SEL1L2: variants seen among roughly 807,000 people sequenced by gnomAD.
The protein encoded by SEL1L2 is protein sel-1 homolog 2.
In SEL1L2, 89 loss-of-function variants were observed where a neutral mutation model predicts 98.8. The ratio of observed to expected loss-of-function variants is 0.90; its 90% CI spans 0.76 to 1.07. SEL1L2 has a LOEUF of 1.07. Among genes scored for constraint, SEL1L2 ranks in the 50% least tolerant of loss-of-function variants. The pLI is 0.00. For synonymous variants in SEL1L2, 262 were observed against 278.5 expected, an observed-to-expected ratio of 0.94 and a Z score of 0.59; for missense variants, 788 against 812.0, an observed-to-expected ratio of 0.97 and a Z score of 0.36.
intron 1 of SEL1L2, among the ~76,000 whole-genome samples, chr20:13,961,998 AAAG>A (rs1345539500): frequency 3.9e-5 from 6 of 152,236 alleles, no homozygotes; most frequent in Non-Finnish European, 7.3e-5. Context: ...TGCCTGAATT[AAAG>A]AACTATACCT....
At chr20:13,963,021 A>T (rs1600944019) in intron 1 of SEL1L2, among the ~76,000 whole-genome samples, 1 of 150,756 alleles carries the variant, frequency 6.6e-6, no homozygotes, top group Non-Finnish European at 1.5e-5. Context: ...AGCCAAGATC[A>T]CGCCACTGCA....
intron 12 of SEL1L2, among the ~76,000 whole-genome samples, chr20:13,875,657 G>C (rs2046396082): frequency 6.6e-6 from 1 of 152,170 alleles, no homozygotes; most frequent in Non-Finnish European, 1.5e-5. Context: ...GGATGTCTTT[G>C]TCTTGAACTT....
rs966077109 is a variant in SEL1L2 at position 13,870,083 on chromosome 20, A to G, written c.1167+58T>C. 1.0e-5 allele frequency: 13 copies of G among 1,258,844 alleles called. No homozygotes were observed. The African/African-American group carries it at 1.2e-4, about 12-fold the overall frequency. The allele number at this position is 1,258,844 out of a possible 1,614,324, so 78.0% of individuals were successfully genotyped here. ...AATTCCTTTAAACTAATGAATGACC[A>G]TGAATTTTACCCTGTAAATTGCTAC... On this transcript the variant is annotated intron_variant, in intron 13 of 19. Coordinates refer to ENST00000284951, the MANE Select transcript of SEL1L2 (RefSeq NM_025229.2).
intron 3 of SEL1L2, among the ~76,000 whole-genome samples, chr20:13,926,083 A>C (rs375182105): frequency 2.0e-4 from 30 of 152,248 alleles, no homozygotes; most frequent in East Asian, 9.7e-4. Context: ...CTTTGGGAGG[A>C]CAAGGCGGGC....
chr20:13,905,358 G>C (rs1018425148), intron 5 of SEL1L2, among the ~76,000 whole-genome samples: 14 of 149,144 alleles, frequency 9.4e-5, no homozygotes, highest in African/African-American at 3.5e-4. Context: ...TTGTCACCCG[G>C]GCTGGAGTGC....
intron 2 of SEL1L2, among the ~76,000 whole-genome samples, chr20:13,948,826 T>C (rs2050132414): frequency 6.6e-6 from 1 of 152,196 alleles, no homozygotes; most frequent in African/African-American, 2.4e-5. Context: ...AAGGCTTTAA[T>C]GAGGATCAGT....
intron 19 of SEL1L2, 134 bp from the exon 20 acceptor site, chr20:13,849,738 C>G: frequency 1.0e-6 from 1 of 988,148 alleles, no homozygotes. Flanking sequence ...TCTTGGAAGA[C>G]ACAATCTTCG....
intron 1 of SEL1L2, among the ~76,000 whole-genome samples, chr20:13,974,477 T>C (rs10460641): frequency 7.5e-5 from 8 of 105,968 alleles, no homozygotes; most frequent in South Asian, 6.1e-4. Context: ...CTCTCTCTCT[T>C]TTTTTTTTTT....
intron 5 of SEL1L2, among the ~76,000 whole-genome samples, chr20:13,902,502 G>A (rs896587610): frequency 4.6e-5 from 7 of 152,152 alleles, no homozygotes; most frequent in African/African-American, 1.4e-4. Flanking sequence ...AGTCCATTGC[G>A]ATCATTATTC....
chr20:13,948,257 TA>T (rs34029203), intron 2 of SEL1L2, among the ~76,000 whole-genome samples: 32,763 of 151,716 alleles, frequency 0.22, 4,025 homozygotes, highest in African/African-American at 0.34. Flanking sequence ...GAAATAGAGA[TA>T]TTTTTTCTAA....
intron 3 of SEL1L2, among the ~76,000 whole-genome samples, chr20:13,929,104 C>A (rs923906802): frequency 2.6e-5 from 4 of 152,144 alleles, no homozygotes; most frequent in African/African-American, 4.8e-5. Context: ...GAAAAAAATT[C>A]CGCCTGTGGA....
rs774154645 is a variant in SEL1L2 at position 13,850,269 on chromosome 20, T to C, written c.1869A>G (p.Pro623=). 1.4e-5 allele frequency: 22 copies of C among 1,614,118 alleles called. No individual in the cohort carries two copies. Among genetic ancestry groups the C allele is most frequent in the Middle Eastern group, 1.7e-4 (1 of 6,060 alleles). ...RLYDMAAQTS[P]DAHIPVLFAV... is the part of the protein sequence containing the mutation. The stretch of plus-strand genomic sequence containing the variant: ...CAAAGAGCACAGGTATGTGGGCATC[T>C]GGACTCGTTTGAGCAGCCATGTCGT... The change falls in exon 19 of 20, where the codon CCA becomes CCG. Residue 623 remains proline, a synonymous_variant. Transcript: ENST00000284951.
chr20:13,854,168 T>C (rs1273569656), intron 18 of SEL1L2, among the ~76,000 whole-genome samples: 3 of 152,230 alleles, frequency 2.0e-5, no homozygotes, highest in Admixed American at 2.0e-4. Flanking sequence ...TCATTTTTAT[T>C]TTTGACAGGT....
intron 1 of SEL1L2, among the ~76,000 whole-genome samples, chr20:13,958,939 A>C (rs1189148601): frequency 6.7e-6 from 1 of 150,212 alleles, no homozygotes; most frequent in Non-Finnish European, 1.5e-5. Flanking sequence ...AAAAAAAAAA[A>C]GTTTTGCAAA....
At chr20:13,857,538 G>A (rs935289021) in intron 18 of SEL1L2, among the ~76,000 whole-genome samples, 1 of 152,222 alleles carries the variant, frequency 6.6e-6, no homozygotes, top group Non-Finnish European at 1.5e-5. Context: ...GAGGACACCT[G>A]CCTGTCCCCA....
intron 1 of SEL1L2, among the ~76,000 whole-genome samples, chr20:13,967,930 G>C (rs2051123893): frequency 1.3e-5 from 2 of 152,088 alleles, no homozygotes; most frequent in South Asian, 4.1e-4. Context: ...TACATAATTA[G>C]ACCAAACCTG....
intron 1 of SEL1L2, among the ~76,000 whole-genome samples, chr20:13,972,074 C>T (rs2051311316): frequency 6.6e-6 from 1 of 152,128 alleles, no homozygotes; most frequent in Non-Finnish European, 1.5e-5. Flanking sequence ...CACACGCCCT[C>T]TATGTTCCTC....
chr20:13,953,514 G>T (rs989962391), intron 2 of SEL1L2, among the ~76,000 whole-genome samples: 20 of 152,132 alleles, frequency 1.3e-4, no homozygotes, highest in Admixed American at 5.9e-4. Context: ...CTGCAGAGGG[G>T]GGAATGAGAC....
chr20:13,943,071 G>A (rs980380551), intron 2 of SEL1L2, among the ~76,000 whole-genome samples: 6 of 152,146 alleles, frequency 3.9e-5, no homozygotes, highest in Non-Finnish European at 7.4e-5. Context: ...TAGAGAAGAA[G>A]TAACTCATTC....
Sources: gnomAD v4.1 joint callset for allele counts (sites outside exome capture counted in the v4.1 genomes callset) on GRCh38, gnomAD v4.1.1 for gene constraint, MANE v1.5 for transcripts, NCBI Gene and HGNC (gene_info 2026-07-23, HGNC 2026-07-21) for gene names.